Variants in VWA5B1 observed in about 807,000 individuals in gnomAD.
The protein encoded by VWA5B1 is von Willebrand factor A domain containing 5B1.
In VWA5B1, 115 loss-of-function variants were observed where a neutral mutation model predicts 118.2. That is an observed-to-expected ratio of 0.97 (90% CI 0.84 to 1.14). VWA5B1 has a LOEUF of 1.14. Ranked by LOEUF, VWA5B1 falls within the 50% of genes most tolerant of loss-of-function variation. The pLI is 0.00. For missense variants in VWA5B1, 1,596 were observed against 1,603.8 expected, an observed-to-expected ratio of 1.00 and a Z score of 0.08; for synonymous variants, 682 against 658.4, an observed-to-expected ratio of 1.04 and a Z score of -0.55.
chr1:20,342,732 G>T, intron 15 of VWA5B1, 123 bp downstream of exon 15: 1 of 1,250,264 alleles, frequency 8.0e-7, no homozygotes, highest in East Asian at 2.7e-5. Context: ...GTCTGCTGCG[G>T]CTCACCCCTC....
chr1:20,295,892 T>G (rs2088397556), intron 1 of VWA5B1, among the ~76,000 whole-genome samples: 1 of 152,174 alleles, frequency 6.6e-6, no homozygotes, highest in Non-Finnish European at 1.5e-5. Context: ...GATGGAGTTT[T>G]GTTCTTGTTG....
At chr1:20,335,001 G>A (rs762317019) in intron 12 of VWA5B1, among the ~76,000 whole-genome samples, 3 of 151,926 alleles carry the variant, frequency 2.0e-5, no homozygotes, top group Non-Finnish European at 2.9e-5. Flanking sequence ...ATATTGTGCA[G>A]TCAAATGCTA....
intron 20 of VWA5B1, among the ~76,000 whole-genome samples, chr1:20,351,783 G>A (rs1416051110): frequency 6.6e-6 from 1 of 152,204 alleles, no homozygotes; most frequent in African/African-American, 2.4e-5. Flanking sequence ...CTCCAGCCTA[G>A]GTGACAGAGT....
At position 20,359,033 on chromosome 1, in the gene VWA5B1, C is replaced by T. The variant is rs1386586783; in HGVS notation, c.*4770C>T. 1.3e-5 allele frequency among the ~76,000 whole-genome samples: 2 copies of T among 152,224 alleles called. No homozygotes were observed. Among genetic ancestry groups the T allele is most frequent in the African/African-American group, 4.8e-5 (2 of 41,468 alleles). Reference sequence around the variant, plus strand: ...AACAGCACTGCCTCCCCGGGTTACCCGATGAGGTGGGATTTTTCTCCTGTT... The same window carrying T: ...AACAGCACTGCCTCCCCGGGTTACCTGATGAGGTGGGATTTTTCTCCTGTT... On this transcript the variant is annotated 3_prime_UTR_variant, in exon 22 of 22. Coordinates refer to ENST00000289815, the MANE Select transcript of VWA5B1 (RefSeq NM_001039500.3).
chr1:20,302,243 C>A (rs550531055), intron 1 of VWA5B1, among the ~76,000 whole-genome samples: 4 of 152,160 alleles, frequency 2.6e-5, no homozygotes, highest in South Asian at 4.2e-4. Flanking sequence ...CTCCCCCAAC[C>A]CCCTGCCCCC....
In VWA5B1 at chr1:20,354,101, G is replaced by A; in HGVS notation, c.3486G>A (p.Leu1162=). Residue 1162 remains leucine (L), a synonymous_variant, in exon 22 of 22, where the codon TTG becomes TTA. Coordinates refer to ENST00000289815, the MANE Select transcript of VWA5B1 (RefSeq NM_001039500.3). ...SSASYFTEWE[L]VAAKANSWLE... is the part of the protein sequence containing the mutation. ...CCTCCTACTTCACTGAGTGGGAGTT[G>A]GTGGCTGCCAAGGCCAACTCATGGC... 1 of 1,551,472 alleles carries A rather than the reference G, an allele frequency of 6.4e-7. No homozygotes were observed. The highest frequency in any genetic ancestry group is 8.7e-7 in the Non-Finnish European group (1 of 1,146,998).
At chr1:20,303,400 A>G (rs1397877568) in intron 1 of VWA5B1, 1 of 152,584 alleles carries the variant, frequency 6.6e-6, no homozygotes, top group Non-Finnish European at 1.5e-5. Context: ...TGTTTCTGGG[A>G]CAACAATGTG....
At chr1:20,337,110 A>G (rs950360550) in intron 13 of VWA5B1, among the ~76,000 whole-genome samples, 1 of 151,744 alleles carries the variant, frequency 6.6e-6, no homozygotes, top group African/African-American at 2.4e-5. Context: ...AGTGTGTTTG[A>G]CCCACTTTGT....
intron 1 of VWA5B1, among the ~76,000 whole-genome samples, chr1:20,302,104 T>G (rs1257563954): frequency 6.6e-6 from 1 of 152,168 alleles, no homozygotes; most frequent in African/African-American, 2.4e-5. Context: ...CCAGACACCG[T>G]GGTGGCTTGG....
chr1:20,292,251 G>T (rs982140505), intron 1 of VWA5B1, among the ~76,000 whole-genome samples: 1 of 150,102 alleles, frequency 6.7e-6, no homozygotes, highest in African/African-American at 2.5e-5. Flanking sequence ...CTGAGGCGCA[G>T]CCCCTTCCCT....
chr1:20,345,396 C>T (rs1180158720), intron 16 of VWA5B1, 60 bp from the exon 17 acceptor site: 4 of 1,548,946 alleles, frequency 2.6e-6, no homozygotes, highest in East Asian at 2.4e-5. Flanking sequence ...GCTTCCAAAG[C>T]TTGTGTGTCA....
intron 21 of VWA5B1, among the ~76,000 whole-genome samples, chr1:20,352,948 A>T (rs1304223383): frequency 6.6e-6 from 1 of 152,208 alleles, no homozygotes; most frequent in Non-Finnish European, 1.5e-5. Context: ...ATCTAGTAGG[A>T]TTCAGACAAG....
chr1:20,330,768 C>G (rs1317317223), intron 10 of VWA5B1, 101 bp from the exon 11 acceptor site: 2 of 1,217,196 alleles, frequency 1.6e-6, no homozygotes, highest in South Asian at 2.6e-5. Context: ...ATAGGGCCAG[C>G]TCCAAGATCC....
chr1:20,305,474 G>A (rs569357927), intron 1 of VWA5B1, among the ~76,000 whole-genome samples: 1 of 152,104 alleles, frequency 6.6e-6, no homozygotes, highest in Non-Finnish European at 1.5e-5. Flanking sequence ...GAGAAGGCAA[G>A]CCACAAGGAT....
At chr1:20,319,973 C>T (rs2100875688) in intron 7 of VWA5B1, among the ~76,000 whole-genome samples, 1 of 152,282 alleles carries the variant, frequency 6.6e-6, no homozygotes, top group Non-Finnish European at 1.5e-5. Context: ...AAGATCCTCT[C>T]CTTCTGCTGT....
chr1:20,333,159 A>G (rs2089621146), intron 12 of VWA5B1, among the ~76,000 whole-genome samples: 1 of 152,220 alleles, frequency 6.6e-6, no homozygotes, highest in Non-Finnish European at 1.5e-5. Flanking sequence ...AGATGCCACC[A>G]TCTCAAAAAT....
Position 20,347,338 on chromosome 1 carries a change from C to T in VWA5B1, c.2765-907C>T, listed in dbSNP as rs901078609. On this transcript the variant is annotated intron_variant, in intron 17 of 21. Transcript: ENST00000289815. ...TATGCAGCTTCTCCAAAACTTGTTT[C>T]CCAACACAACTCTAATTTTTAAGGA... Among the ~76,000 whole-genome samples, 8 of 152,208 alleles carry T rather than the reference C, an allele frequency of 5.3e-5. No homozygotes were observed. The East Asian group carries it at 9.6e-4, about 18-fold the overall frequency.
intron 1 of VWA5B1, among the ~76,000 whole-genome samples, chr1:20,307,488 C>G (rs1267968858): frequency 6.6e-6 from 1 of 152,248 alleles, no homozygotes; most frequent in East Asian, 1.9e-4. Context: ...TGAGGCCTCA[C>G]TGTCCTCATC....
rs569507864 is a variant in VWA5B1, at chr1:20,342,493, G to A, written c.2195G>A (p.Arg732Gln). 2.6e-5 allele frequency: 41 copies of A among 1,551,130 alleles called. No individual in the cohort carries two copies. The East Asian group carries it at 2.9e-4, about 11-fold the overall frequency. Reference sequence around the variant, plus strand: ...CCCAAACTCCGTGGCCCAGGGGCCCGAAGGCCCTCTCTGCTGCCCCAAGGC... The same window carrying A: ...CCCAAACTCCGTGGCCCAGGGGCCCAAAGGCCCTCTCTGCTGCCCCAAGGC... ...QGPKLRGPGA[R>Q]RPSLLPQGCQ... The change falls in exon 15 of 22, where the codon CGA becomes CAA. Residue 732 changes from arginine (R) to glutamine (Q), a missense_variant. Physicochemically the swap from Arg to Gln is conservative, Grantham distance 43. Transcript: ENST00000289815.
Sources: allele counts gnomAD v4.1 joint callset (sites outside exome capture counted in the v4.1 genomes callset), GRCh38; gene constraint gnomAD v4.1.1; transcripts MANE v1.5; gene names NCBI Gene and HGNC (gene_info 2026-07-23, HGNC 2026-07-21).